The following ZFHX3 variants were observed in gnomAD, a reference collection of about 807,000 sequenced individuals.
ZFHX3 encodes the protein zinc finger homeobox 3.
ZFHX3 carries 42 observed loss-of-function variants against 279.1 expected under a neutral mutation model. The ratio of observed to expected loss-of-function variants is 0.15; its 90% CI spans 0.12 to 0.19. The LOEUF (loss-of-function observed/expected upper bound fraction) is 0.19, where lower values mean the gene tolerates loss of function less well. Among genes scored for constraint, ZFHX3 ranks in the 10% least tolerant of loss-of-function variants. ZFHX3 has a pLI of 1.00. For synonymous variants in ZFHX3, 2,293 were observed against 1,957.8 expected (o/e 1.17, Z -4.52); for missense variants, 4,981 against 4,754.0 (o/e 1.05, Z -1.40).
chr16:73,124,921 CT>C (rs1014684064), intron 7 of ZFHX3, among the ~76,000 whole-genome samples: 1 of 152,178 alleles, frequency 6.6e-6, no homozygotes, highest in Admixed American at 6.5e-5. Context: ...TCTGATCTAA[CT>C]TCTTCCTCTT....
intron 1 of ZFHX3, among the ~76,000 whole-genome samples, chr16:72,967,927 A>T (rs1199924554): frequency 7.4e-5 from 2 of 26,860 alleles, no homozygotes; most frequent in Non-Finnish European, 1.9e-4. Context: ...GACCCCATCT[A>T]AAAAAAAAAA....
chr16:73,489,811 T>C (rs2019030106), intron 2 of ZFHX3, among the ~76,000 whole-genome samples: 1 of 152,030 alleles, frequency 6.6e-6, no homozygotes, highest in African/African-American at 2.4e-5. Flanking sequence ...TTTTTTTTTC[T>C]GACTGAATAA....
chr16:73,691,694 C>T (rs2053151314), intron 1 of ZFHX3, among the ~76,000 whole-genome samples: 1 of 152,134 alleles, frequency 6.6e-6, no homozygotes, highest in African/African-American at 2.4e-5. Context: ...CCAAGAAAAA[C>T]ACCCAGTATA....
intron 2 of ZFHX3, among the ~76,000 whole-genome samples, chr16:73,533,622 A>G (rs189806403): frequency 6.6e-6 from 1 of 152,188 alleles, no homozygotes; most frequent in East Asian, 1.9e-4. Flanking sequence ...TGGGCTAATC[A>G]GCATCTTCAC....
At chr16:73,156,111 A>G (rs1967075785) in intron 5 of ZFHX3, among the ~76,000 whole-genome samples, 2 of 151,112 alleles carry the variant, frequency 1.3e-5, no homozygotes, top group Non-Finnish European at 2.9e-5. Context: ...GGATGCCTGT[A>G]GTCCCAGCTA....
At chr16:73,399,370 T>C (rs991889398) in intron 3 of ZFHX3, among the ~76,000 whole-genome samples, 13 of 152,152 alleles carry the variant, frequency 8.5e-5, no homozygotes, top group Non-Finnish European at 1.5e-4. Context: ...GTAAATACTT[T>C]GCCCCATGAA....
chr16:73,241,454 G>A (rs1051338418), intron 5 of ZFHX3, among the ~76,000 whole-genome samples: 1 of 152,126 alleles, frequency 6.6e-6, no homozygotes, highest in African/African-American at 2.4e-5. Context: ...AGAGTGGACT[G>A]AGAGGAGAAG....
At chr16:73,053,359 AGGCTGCGGGG>A (rs1965483499) in intron 1 of ZFHX3, among the ~76,000 whole-genome samples, 1 of 152,178 alleles carries the variant, frequency 6.6e-6, no homozygotes, top group Non-Finnish European at 1.5e-5. Context: ...GGTGGTGGGG[AGGCTGCGGGG>A]GCAAGGCCTT....
chr16:73,089,403 T>C (rs2144774975), intron 8 of ZFHX3, among the ~76,000 whole-genome samples: 1 of 152,302 alleles, frequency 6.6e-6, no homozygotes, highest in African/African-American at 2.4e-5. Context: ...GCACCCGGTC[T>C]AATGTTATAC....
chr16:73,057,720 G>A (rs1264272513), intron 1 of ZFHX3, among the ~76,000 whole-genome samples: 7 of 151,582 alleles, frequency 4.6e-5, no homozygotes, highest in African/African-American at 9.7e-5. Flanking sequence ...GGCGCTCGCG[G>A]CGCTGCCAGT....
At chr16:73,105,463 TCC>T (rs1160963738) in intron 7 of ZFHX3, among the ~76,000 whole-genome samples, 9 of 98,176 alleles carry the variant, frequency 9.2e-5, no homozygotes, top group South Asian at 3.4e-4. Flanking sequence ...ATATATTTTT[TCC>T]CCCAGGCCAG....
At chr16:73,760,018 T>TTTTA (rs1555500050) in intron 1 of ZFHX3, among the ~76,000 whole-genome samples, 17 of 146,480 alleles carry the variant, frequency 1.2e-4, no homozygotes, top group Middle Eastern at 3.5e-3. Flanking sequence ...TGTTTTTTTT[T>TTTTA]AAAAAAAAAT....
chr16:72,975,652 G>A (rs1282137339), intron 1 of ZFHX3, among the ~76,000 whole-genome samples: 1 of 152,156 alleles, frequency 6.6e-6, no homozygotes. Context: ...GGCCCTGATA[G>A]TTAGCTAAAA....
chr16:73,511,973 G>T (rs553686452), intron 2 of ZFHX3, among the ~76,000 whole-genome samples: 102 of 152,140 alleles, frequency 6.7e-4, no homozygotes, highest in Non-Finnish European at 1.1e-3. Context: ...TCATGCTTGT[G>T]GTCCCCAAGG....
At chr16:73,741,781 A>C (rs1372105921) in intron 1 of ZFHX3, among the ~76,000 whole-genome samples, 1 of 152,196 alleles carries the variant, frequency 6.6e-6, no homozygotes, top group Non-Finnish European at 1.5e-5. Flanking sequence ...CATAAATTGG[A>C]AACTAGGAGG....
intron 8 of ZFHX3, chr16:73,092,666 C>T (rs745474530): frequency 3.6e-5 from 10 of 275,684 alleles, no homozygotes; most frequent in Admixed American, 9.9e-5. Context: ...CTCCCACTCC[C>T]GGGACACACA....
intron 1 of ZFHX3, among the ~76,000 whole-genome samples, chr16:73,736,909 T>C (rs2053614475): frequency 6.6e-6 from 1 of 152,226 alleles, no homozygotes; most frequent in Admixed American, 6.5e-5. Context: ...TATGCTTTAT[T>C]CATGGTCAAT....
At chr16:73,253,415 G>A (rs865974780) in intron 5 of ZFHX3, among the ~76,000 whole-genome samples, 50 of 151,706 alleles carry the variant, frequency 3.3e-4, no homozygotes, top group African/African-American at 1.2e-3. Flanking sequence ...CACACAAATG[G>A]TGCATCAGTT....
At chr16:73,452,643 A>C (rs1457395708) in intron 3 of ZFHX3, among the ~76,000 whole-genome samples, 1 of 152,152 alleles carries the variant, frequency 6.6e-6, no homozygotes, top group Non-Finnish European at 1.5e-5. Flanking sequence ...AACCATTCCT[A>C]CTCCCAAACT....
Sources: gnomAD v4.1 joint callset for allele counts (sites outside exome capture counted in the v4.1 genomes callset) on GRCh38, gnomAD v4.1.1 for gene constraint, MANE v1.5 for transcripts, NCBI Gene and HGNC (gene_info 2026-07-23, HGNC 2026-07-21) for gene names.